The following TSHZ2 variants were observed in gnomAD, a reference collection of about 807,000 sequenced individuals.
TSHZ2 encodes the protein teashirt zinc finger homeobox 2.
Under a neutral mutation model 74.4 loss-of-function variants are expected in TSHZ2, and 21 were observed. The ratio of observed to expected loss-of-function variants is 0.28; its 90% CI spans 0.20 to 0.41. The LOEUF (loss-of-function observed/expected upper bound fraction) is 0.41, where lower values mean the gene tolerates loss of function less well. TSHZ2 is among the 10% of genes least tolerant of loss of function. The pLI is 1.00. For synonymous variants in TSHZ2, 540 were observed against 515.3 expected (o/e 1.05, Z -0.65); for missense variants, 1,244 against 1,293.5 (o/e 0.96, Z 0.59).
chr20:53,287,284 A>G (rs966598827), intron 2 of TSHZ2, among the ~76,000 whole-genome samples: 1 of 151,326 alleles, frequency 6.6e-6, no homozygotes, highest in Admixed American at 6.6e-5. Context: ...TCTGTTCTCT[A>G]ATTGTCTGTT....
At chr20:53,109,412 C>T (rs1986469439) in intron 1 of TSHZ2, among the ~76,000 whole-genome samples, 1 of 152,154 alleles carries the variant, frequency 6.6e-6, no homozygotes, top group Non-Finnish European at 1.5e-5. Flanking sequence ...TCTCTCTTAT[C>T]TTTCATTACC....
intron 1 of TSHZ2, among the ~76,000 whole-genome samples, chr20:53,190,107 A>G: frequency 1.5e-5 from 1 of 66,916 alleles, no homozygotes; most frequent in East Asian, 5.4e-4. Context: ...ATATATATAT[A>G]TATATATATA....
chr20:52,974,928 C>G (rs1981271675), intron 1 of TSHZ2, among the ~76,000 whole-genome samples: 1 of 152,118 alleles, frequency 6.6e-6, no homozygotes. Flanking sequence ...TAGTGAGGTA[C>G]GTATTTGGAA....
At chr20:53,424,480 G>A (rs1263183275) in intron 2 of TSHZ2, among the ~76,000 whole-genome samples, 1 of 152,168 alleles carries the variant, frequency 6.6e-6, no homozygotes, top group African/African-American at 2.4e-5. Flanking sequence ...ATACACACAT[G>A]CACTTACATA....
chr20:53,411,655 C>G (rs1038257883), intron 2 of TSHZ2, among the ~76,000 whole-genome samples: 1 of 152,062 alleles, frequency 6.6e-6, no homozygotes, highest in Non-Finnish European at 1.5e-5. Flanking sequence ...ATAGTGAGAC[C>G]TCGTCTCTAT....
chr20:53,046,345 A>C (rs1330067164), intron 1 of TSHZ2, among the ~76,000 whole-genome samples: 1 of 152,132 alleles, frequency 6.6e-6, no homozygotes, highest in Non-Finnish European at 1.5e-5. Flanking sequence ...CATCATCTGG[A>C]CTGGTCTTTT....
intron 2 of TSHZ2, among the ~76,000 whole-genome samples, chr20:53,414,016 C>T (rs548484353): frequency 6.6e-6 from 1 of 152,236 alleles, no homozygotes; most frequent in Non-Finnish European, 1.5e-5. Context: ...TGGCACATGC[C>T]TGTAGTCCCA....
chr20:53,137,208 A>T (rs1987266948), intron 1 of TSHZ2, among the ~76,000 whole-genome samples: 1 of 152,102 alleles, frequency 6.6e-6, no homozygotes, highest in Non-Finnish European at 1.5e-5. Context: ...TTTACAAAAT[A>T]CCAAGAAAAC....
At chr20:53,125,609 C>T (rs2123366454) in intron 1 of TSHZ2, among the ~76,000 whole-genome samples, 1 of 152,248 alleles carries the variant, frequency 6.6e-6, no homozygotes, top group African/African-American at 2.4e-5. Flanking sequence ...GTATTTTATA[C>T]TATCAGGCAA....
intron 2 of TSHZ2, among the ~76,000 whole-genome samples, chr20:53,391,495 A>C (rs1330281258): frequency 6.7e-6 from 1 of 149,128 alleles, no homozygotes; most frequent in African/African-American, 2.5e-5. Flanking sequence ...TTTTTTTTAC[A>C]ATCACAGCTC....
intron 2 of TSHZ2, among the ~76,000 whole-genome samples, chr20:53,324,766 C>T (rs1438199664): frequency 2.0e-5 from 3 of 152,198 alleles, no homozygotes; most frequent in Non-Finnish European, 4.4e-5. Context: ...TGCCCATCTG[C>T]TATGATTTTG....
At chr20:53,278,981 T>C (rs1990999991) in intron 2 of TSHZ2, among the ~76,000 whole-genome samples, 1 of 152,234 alleles carries the variant, frequency 6.6e-6, no homozygotes, top group African/African-American at 2.4e-5. Flanking sequence ...AATTAACACA[T>C]ATTTTGTATG....
At chr20:53,287,157 T>C (rs1195900990) in intron 2 of TSHZ2, among the ~76,000 whole-genome samples, 1 of 152,240 alleles carries the variant, frequency 6.6e-6, no homozygotes, top group African/African-American at 2.4e-5. Flanking sequence ...TAAGTATTTA[T>C]TTAACATACT....
intron 2 of TSHZ2, among the ~76,000 whole-genome samples, chr20:53,451,156 C>T (rs1984765717): frequency 6.6e-6 from 1 of 152,168 alleles, no homozygotes; most frequent in Non-Finnish European, 1.5e-5. Flanking sequence ...AGTTTTTGTA[C>T]AGCCTACACA....
chr20:53,205,979 G>T (rs1159290000), intron 1 of TSHZ2, among the ~76,000 whole-genome samples: 1 of 152,172 alleles, frequency 6.6e-6, no homozygotes, highest in Admixed American at 6.5e-5. Context: ...CTAGCACTTT[G>T]AGAGGCCAAG....
rs533750393 is a variant in TSHZ2 at position 53,334,119 on chromosome 20, G to A, written c.*8+77548G>A. 2.0e-5 allele frequency among the ~76,000 whole-genome samples: 3 copies of A among 152,320 alleles called. No individual in the cohort carries two copies. The East Asian group carries it at 5.8e-4, about 29-fold the overall frequency. On this transcript the variant is annotated intron_variant, in intron 2 of 2. Coordinates refer to ENST00000371497, the MANE Select transcript of TSHZ2 (RefSeq NM_173485.6). The stretch of plus-strand genomic sequence containing the variant: ...TATTCATTCATTGTGTTGATATAAT[G>A]GAGAGCAAAGTAGACACCAATGTTG...
chr20:53,033,085 A>T (rs1983695180), intron 1 of TSHZ2, among the ~76,000 whole-genome samples: 1 of 152,228 alleles, frequency 6.6e-6, no homozygotes, highest in Non-Finnish European at 1.5e-5. Flanking sequence ...AAGTTGATAG[A>T]ACTTGATTAA....
chr20:52,984,868 G>T (rs1243789602), intron 1 of TSHZ2, among the ~76,000 whole-genome samples: 1 of 152,180 alleles, frequency 6.6e-6, no homozygotes, highest in East Asian at 1.9e-4. Flanking sequence ...TGAAAAAGAG[G>T]CGTCTACTGA....
intron 1 of TSHZ2, among the ~76,000 whole-genome samples, chr20:53,042,655 C>A (rs1010880202): frequency 9.8e-5 from 14 of 142,766 alleles, no homozygotes; most frequent in African/African-American, 3.3e-4. Flanking sequence ...GAACAACTGA[C>A]ATTTATCCAT....
Sources: allele counts gnomAD v4.1 joint callset (sites outside exome capture counted in the v4.1 genomes callset), GRCh38; gene constraint gnomAD v4.1.1; transcripts MANE v1.5; gene names NCBI Gene and HGNC (gene_info 2026-07-23, HGNC 2026-07-21).